The following ATRX variants were observed in gnomAD, a reference collection of about 807,000 sequenced individuals.
ATRX encodes the protein chromatin remodeler ATRX.
ATRX carries 12 observed loss-of-function variants against 172.6 expected under a neutral mutation model. The observed-to-expected ratio is 0.07, with a 90% CI of 0.04 to 0.11. The LOEUF (loss-of-function observed/expected upper bound fraction) is 0.11. ATRX is among the 10% of genes least tolerant of loss of function. The pLI is 1.00. For synonymous variants in ATRX, 674 were observed against 594.7 expected (o/e 1.13, Z -1.94); for missense variants, 1,368 against 1,767.4 (o/e 0.77, Z 4.05).
intron 20 of ATRX, among the ~76,000 whole-genome samples, chrX:77,619,913 C>T (rs1214633330): frequency 8.9e-6 from 1 of 111,758 alleles, no homozygotes; most frequent in African/African-American, 3.2e-5. Context: ...CAAGTCATTT[C>T]CCTAGGTTCA....
In ATRX at chrX:77,538,065, G is replaced by C. The variant is rs782213971; in HGVS notation, c.6700-14664C>G. 8.4e-4 allele frequency among the ~76,000 whole-genome samples: 93 copies of C among 110,436 alleles called. 1 individual carries two copies. Among genetic ancestry groups the C allele is most frequent in the African/African-American group, 2.6e-3 (80 of 30,362 alleles). ...GGGTTGAGGGGAGGGAGAGCATCAGGAAGAATAGCTAATAGATGCTGGGCT... is the reference window on the plus strand; with the variant it reads ...GGGTTGAGGGGAGGGAGAGCATCAGCAAGAATAGCTAATAGATGCTGGGCT... On this transcript the variant is annotated intron_variant, in intron 30 of 34. Transcript: ENST00000373344.
chrX:77,703,794 T>C (rs1557155329), intron 2 of ATRX, among the ~76,000 whole-genome samples: 1 of 111,726 alleles, frequency 9.0e-6, no homozygotes, highest in East Asian at 2.8e-4. Context: ...TATTGAGCAA[T>C]AGAACAGCTC....
intron 5 of ATRX, 93 bp downstream of exon 5, chrX:77,696,484 A>C: frequency 1.0e-6 from 1 of 956,980 alleles, no homozygotes. Flanking sequence ...GGTCGTTTGT[A>C]CATAGTTAAC....
intron 31 of ATRX, chrX:77,522,614 G>C: frequency 2.6e-6 from 1 of 379,139 alleles, no homozygotes; most frequent in Non-Finnish European, 4.6e-6. Flanking sequence ...CCACAGAATG[G>C]GGGCAACTCA....
At chrX:77,593,246 GA>G in intron 26 of ATRX, among the ~76,000 whole-genome samples, 1 of 101,156 alleles carries the variant, frequency 9.9e-6, no homozygotes, top group East Asian at 3.0e-4. Flanking sequence ...AAAAAAAAAA[GA>G]AGAAGAAGAA....
chrX:77,708,986 C>T (rs1278689147), intron 2 of ATRX, among the ~76,000 whole-genome samples: 1 of 111,859 alleles, frequency 8.9e-6, no homozygotes, highest in East Asian at 2.8e-4. Context: ...GTGGGAAGAT[C>T]GCTTGAGGCC....
intron 1 of ATRX, among the ~76,000 whole-genome samples, chrX:77,768,307 T>C (rs1355238603): frequency 4.5e-5 from 5 of 111,831 alleles, no homozygotes; most frequent in African/African-American, 1.6e-4. Flanking sequence ...CTCATAGACA[T>C]CTGGTCCCAG....
intron 30 of ATRX, among the ~76,000 whole-genome samples, chrX:77,544,668 T>C (rs1160194662): frequency 1.9e-5 from 2 of 108,100 alleles, no homozygotes; most frequent in Non-Finnish European, 3.8e-5. Context: ...ATATGCGGTG[T>C]CTGGTTTTTT....
rs375234450 is a variant in ATRX at position 77,599,725 on chromosome X, G to A, written c.5786+7C>T. 16 of 1,202,668 alleles carry A rather than the reference G, an allele frequency of 1.3e-5. No homozygotes were observed. In the African/African-American group the frequency reaches 1.9e-4, roughly 15 times the overall value. On this transcript the variant is annotated splice_region_variant and intron_variant, in intron 24 of 34. Transcript: ENST00000373344. ...TACAGGATGGCACGAAAAAGTATTC[G>A]ATTTACTTTGTATAATCATCGGAGC...
At chrX:77,716,323 A>AAAAAT (rs1557165064) in intron 2 of ATRX, among the ~76,000 whole-genome samples, 4 of 21,027 alleles carry the variant, frequency 1.9e-4, no homozygotes, top group Non-Finnish European at 2.6e-4. Flanking sequence ...AAAAAAAAAA[A>AAAAAT]ATATATATAT....
At chrX:77,747,800 TTA>T (rs2075140185) in intron 1 of ATRX, among the ~76,000 whole-genome samples, 1 of 111,624 alleles carries the variant, frequency 9.0e-6, no homozygotes, top group African/African-American at 3.2e-5. Context: ...TATCTAATCT[TTA>T]TATAGTTTCC....
intron 28 of ATRX, among the ~76,000 whole-genome samples, 173 bp downstream of exon 28, chrX:77,574,075 TTA>T (rs781927885): frequency 8.9e-6 from 1 of 111,734 alleles, no homozygotes; most frequent in Non-Finnish European, 1.9e-5. Context: ...AGGCTACAAA[TTA>T]TATGATTCCA....
intron 2 of ATRX, among the ~76,000 whole-genome samples, chrX:77,701,532 T>C (rs782529100): frequency 9.1e-6 from 1 of 110,432 alleles, no homozygotes; most frequent in East Asian, 2.8e-4. Context: ...AAAAAATCTT[T>C]TTTCTAATAA....
chrX:77,701,733 T>C (rs2072526743), intron 2 of ATRX, among the ~76,000 whole-genome samples: 2 of 110,779 alleles, frequency 1.8e-5, no homozygotes, highest in South Asian at 3.8e-4. Flanking sequence ...AAAAAAAAAA[T>C]TGAAAGTCAT....
At chrX:77,716,394 T>C (rs2073430039) in intron 2 of ATRX, among the ~76,000 whole-genome samples, 1 of 99,211 alleles carries the variant, frequency 1.0e-5, no homozygotes, top group South Asian at 4.8e-4. Flanking sequence ...AGGTGTTAAG[T>C]GGTTTTATTT....
chrX:77,773,084 A>G (rs2076220558), intron 1 of ATRX, among the ~76,000 whole-genome samples: 1 of 67,445 alleles, frequency 1.5e-5, no homozygotes, highest in African/African-American at 5.8e-5. Flanking sequence ...CCTGTGGCAA[A>G]TTTCAGCTAA....
At position 77,574,495 on chromosome X, in the gene ATRX, C is replaced by T. The variant is rs782744224; in HGVS notation, c.6218-137G>A. 352 of 454,967 alleles carry T rather than the reference C, an allele frequency of 7.7e-4. 1 individual carries two copies. Among genetic ancestry groups the T allele is most frequent in the Non-Finnish European group, 1.1e-3 (276 of 258,150 alleles). 37.5% of individuals were successfully genotyped at this position (454,967 alleles called of 1,213,427 possible). A position where few individuals can be genotyped will look rare whatever the true frequency, so the allele number is the denominator to read the frequency against. On this transcript the variant is annotated intron_variant, in intron 27 of 34. Transcript: ENST00000373344. ...TTTGTATAGCAAAATACATTATATA[C>T]TTTTCTTAATCAAGGAGTCATTACA... is the stretch of plus-strand genomic sequence containing the variant.
intron 30 of ATRX, among the ~76,000 whole-genome samples, chrX:77,547,544 T>C (rs1477076806): frequency 1.8e-5 from 2 of 112,120 alleles, no homozygotes; most frequent in East Asian, 5.6e-4. Flanking sequence ...CAAGTATTTA[T>C]TGTGTAGTTT....
At position 77,683,092 on chromosome X, in the gene ATRX, A is replaced by G. The variant is rs2148605363; in HGVS notation, c.2164T>C (p.Ser722Pro). 8.3e-7 allele frequency: 1 copy of G among 1,210,635 alleles called. No homozygotes were observed. Among genetic ancestry groups the G allele is most frequent in the Non-Finnish European group, 1.1e-6 (1 of 894,995 alleles). Residue 722 changes from serine to proline, a missense_variant, in exon 9 of 35, where the codon TCA becomes CCA. Coordinates refer to ENST00000373344, the MANE Select transcript of ATRX (RefSeq NM_000489.6). The stretch of plus-strand genomic sequence containing the variant: ...TCTGAATTTTGATCCACAGTCTCTG[A>G]TTGCTTAGATTTTGGCAATTTATTA... The part of the protein sequence containing the change: ...KPNKLPKSKQ[S>P]ETVDQNSDSD...
Sources: allele counts gnomAD v4.1 joint callset (sites outside exome capture counted in the v4.1 genomes callset), GRCh38; gene constraint gnomAD v4.1.1; transcripts MANE v1.5; gene names NCBI Gene and HGNC (gene_info 2026-07-23, HGNC 2026-07-21).